Variants in MOBP observed in about 807,000 individuals in gnomAD.
MOBP encodes myelin associated oligodendrocyte basic protein.
In MOBP, 5 loss-of-function variants were observed where a neutral mutation model predicts 15.0. That is an observed-to-expected ratio of 0.33 (90% CI 0.17 to 0.70). MOBP has a LOEUF of 0.70. MOBP is among the 30% of genes least tolerant of loss of function. MOBP has a pLI of 0.67. For missense variants in MOBP, 188 were observed against 257.8 expected (o/e 0.73, Z 1.85); for synonymous variants, 88 against 99.0 (o/e 0.89, Z 0.66).
rs1351084506 is a variant in MOBP at position 39,469,163 on chromosome 3, TGTATAC to T, written c.-89+1424_-89+1429del. 5.4e-4 allele frequency among the ~76,000 whole-genome samples: 51 copies of T among 94,792 alleles called. 1 individual carries two copies. The highest frequency in any genetic ancestry group is 6.7e-4 in the Non-Finnish European group (36 of 53,536). The allele number at this position is 94,792 out of a possible 152,430, so 62.2% of individuals were successfully genotyped here. On this transcript the variant is annotated intron_variant, in intron 1 of 3. Coordinates refer to ENST00000684792, the MANE Select transcript of MOBP (RefSeq NM_001393704.1). ...ATATACATATATACATATGTGTGTGTGTATACATATATACATGTGTGTGTGTGTATA... is the reference window on the plus strand; with the variant it reads ...ATATACATATATACATATGTGTGTGTATATATACATGTGTGTGTGTGTATA...
downstream of MOBP, among the ~76,000 whole-genome samples, chr3:39,507,866 T>C (rs73826459): frequency 6.7e-3 from 1,021 of 152,338 alleles, 9 homozygotes; most frequent in African/African-American, 0.021. Flanking sequence ...TCCATTTTTA[T>C]CTCCATCTAT....
intron 4 of MOBP, among the ~76,000 whole-genome samples, chr3:39,510,315 T>G (rs1482150042): frequency 6.6e-6 from 1 of 152,064 alleles, no homozygotes; most frequent in African/African-American, 2.4e-5. Flanking sequence ...ATTATTCGAG[T>G]TTTTTTACTT....
At chr3:39,483,650 G>GA (rs1197678932) in intron 2 of MOBP, among the ~76,000 whole-genome samples, 1 of 152,052 alleles carries the variant, frequency 6.6e-6, no homozygotes, top group African/African-American at 2.4e-5. Context: ...CATCATTCAG[G>GA]AAAAAATTAT....
chr3:39,506,581 G>A (rs1380252026), downstream of MOBP, among the ~76,000 whole-genome samples: 1 of 152,232 alleles, frequency 6.6e-6, no homozygotes, highest in Non-Finnish European at 1.5e-5. Flanking sequence ...TACCAGAGGG[G>A]TGGAGGAACT....
intron 2 of MOBP, among the ~76,000 whole-genome samples, chr3:39,481,623 T>C (rs1175695565): frequency 5.9e-5 from 9 of 152,204 alleles, no homozygotes; most frequent in Admixed American, 5.9e-4. Context: ...CACGTGATTC[T>C]CTAGCTACTT....
chr3:39,479,198 G>C (rs1458158351), intron 1 of MOBP, among the ~76,000 whole-genome samples: 2 of 152,064 alleles, frequency 1.3e-5, no homozygotes, highest in African/African-American at 4.8e-5. Context: ...GCAGAGGGGA[G>C]AAAAGAAACA....
chr3:39,513,289 A>G (rs2043144811), intron 4 of MOBP: 3 of 1,163,922 alleles, frequency 2.6e-6, no homozygotes, highest in East Asian at 5.0e-5. Flanking sequence ...GTAGTCTCAA[A>G]ATCCACAATT....
chr3:39,517,356 C>T (rs548392070), downstream of MOBP, among the ~76,000 whole-genome samples: 35 of 152,242 alleles, frequency 2.3e-4, no homozygotes, highest in Non-Finnish European at 1.3e-4. Flanking sequence ...CTTTACCTTA[C>T]TACCATGATG....
chr3:39,503,134 C>G (rs999980833), downstream of MOBP: 5 of 458,562 alleles, frequency 1.1e-5, no homozygotes, highest in African/African-American at 1.0e-4. Flanking sequence ...GTTAATCTAT[C>G]AATTGAGATT....
intron 2 of MOBP, among the ~76,000 whole-genome samples, chr3:39,489,754 G>A (rs941162409): frequency 1.3e-5 from 2 of 152,094 alleles, no homozygotes; most frequent in African/African-American, 4.8e-5. Flanking sequence ...GGATAACAGA[G>A]GGAGCTATAA....
At position 39,502,009 on chromosome 3, in the gene MOBP, C is replaced by G. The variant is rs2042977286; in HGVS notation, c.-4-57C>G. 6.9e-7 allele frequency: 1 copy of G among 1,457,058 alleles called. No homozygotes were observed. The highest frequency in any genetic ancestry group is 1.7e-5 in the Admixed American group (1 of 58,896). 90.3% of individuals were successfully genotyped at this position (1,457,058 alleles called of 1,614,324 possible). A position where few individuals can be genotyped will look rare whatever the true frequency, so the allele number is the denominator to read the frequency against. Reference sequence around the variant, plus strand: ...CAGGGGGCTTCCAGAGTAGAGGGCTCCCTTTCCTGATGTGCGTTTATGTCT... The same window carrying G: ...CAGGGGGCTTCCAGAGTAGAGGGCTGCCTTTCCTGATGTGCGTTTATGTCT... On this transcript the variant is annotated intron_variant, in intron 2 of 3. Coordinates refer to ENST00000684792, the MANE Select transcript of MOBP (RefSeq NM_001393704.1). This position sits in a 1 kb window ranked among gnomAD's most constrained non-coding sequence, Gnocchi z 6.3.
intron 2 of MOBP, among the ~76,000 whole-genome samples, chr3:39,483,574 C>T (rs1051141479): frequency 1.3e-5 from 2 of 152,218 alleles, no homozygotes; most frequent in Admixed American, 1.3e-4. Flanking sequence ...AAGTCCCCTG[C>T]TATGACCACA....
intron 2 of MOBP, among the ~76,000 whole-genome samples, chr3:39,500,308 A>G (rs1269511072): frequency 6.6e-6 from 1 of 152,258 alleles, no homozygotes; most frequent in Admixed American, 6.5e-5. Flanking sequence ...ACCAAAGTGT[A>G]TAGTAAATGT....
At chr3:39,488,928 C>A (rs2042754606) in intron 2 of MOBP, among the ~76,000 whole-genome samples, 1 of 152,174 alleles carries the variant, frequency 6.6e-6, no homozygotes, top group African/African-American at 2.4e-5. Context: ...TTCATGGAAG[C>A]TAAATATGAA....
downstream of MOBP, among the ~76,000 whole-genome samples, chr3:39,518,066 T>C (rs61348913): frequency 0.033 from 5,047 of 152,238 alleles, 279 homozygotes; most frequent in African/African-American, 0.11. Context: ...CTTAATAAAA[T>C]TAAGTTCTAA....
chr3:39,481,212 A>G (rs372960616), intron 2 of MOBP, among the ~76,000 whole-genome samples: 16 of 152,220 alleles, frequency 1.1e-4, no homozygotes, highest in African/African-American at 3.6e-4. Context: ...TCTGCAAATT[A>G]ATGGTCAGTG....
chr3:39,479,050 G>T (rs1363002013), intron 1 of MOBP, among the ~76,000 whole-genome samples: 1 of 152,006 alleles, frequency 6.6e-6, no homozygotes, highest in Non-Finnish European at 1.5e-5. Context: ...AGCTGGTCTC[G>T]AACTCCTGAC....
At chr3:39,498,932 G>T (rs1433291007) in intron 2 of MOBP, among the ~76,000 whole-genome samples, 2 of 152,204 alleles carry the variant, frequency 1.3e-5, no homozygotes, top group Non-Finnish European at 2.9e-5. Flanking sequence ...TGGGATTTGA[G>T]AATTCAATTA....
chr3:39,522,827 T>A (rs1224447044), intron 3 of MOBP, among the ~76,000 whole-genome samples: 5 of 152,210 alleles, frequency 3.3e-5, no homozygotes, highest in Non-Finnish European at 5.9e-5. Context: ...TCCAGCTCAA[T>A]CAGTTATTCA....
Sources: gnomAD v4.1 joint callset for allele counts (sites outside exome capture counted in the v4.1 genomes callset) on GRCh38, gnomAD v4.1.1 for gene constraint, Gnocchi (gnomAD v3.1) non-coding constraint, MANE v1.5 for transcripts, NCBI Gene and HGNC (gene_info 2026-07-23, HGNC 2026-07-21) for gene names.